The following LRSAM1 variants were observed in gnomAD, a reference collection of about 807,000 sequenced individuals.
The protein encoded by LRSAM1 is leucine rich repeat and sterile alpha motif containing 1, also known as E3 ubiquitin-protein ligase LRSAM1.
In LRSAM1, 96 loss-of-function variants were observed where a neutral mutation model predicts 118.1. The ratio of observed to expected loss-of-function variants is 0.81; its 90% CI spans 0.69 to 0.96. The LOEUF is 0.96. Ranked by LOEUF, LRSAM1 falls within the 40% of genes least tolerant of loss-of-function variation. The pLI is 0.00. For synonymous variants in LRSAM1, 322 were observed against 364.2 expected, an observed-to-expected ratio of 0.88 and a Z score of 1.32; for missense variants, 804 against 915.5, an observed-to-expected ratio of 0.88 and a Z score of 1.57.
chr9:127,496,156 G>A (rs539645674), intron 23 of LRSAM1, 61 bp downstream of exon 23: 144 of 1,594,216 alleles, frequency 9.0e-5, no homozygotes, highest in Middle Eastern at 9.0e-4. Context: ...CTGACCAGCC[G>A]GGGGTTGATC....
rs901297720 is a variant in LRSAM1, at chr9:127,465,759, A to G, written c.529-1981A>G. Among the ~76,000 whole-genome samples the G allele has an allele frequency of 6.6e-6, 1 of 152,140 alleles. No individual in the cohort carries two copies. Among genetic ancestry groups the G allele is most frequent in the Admixed American group, 6.5e-5 (1 of 15,268 alleles). On this transcript the variant is annotated intron_variant, in intron 9 of 25. Coordinates refer to ENST00000300417, the MANE Select transcript of LRSAM1 (RefSeq NM_001005373.4). The surrounding 1 kb of genome is among the most constrained non-coding windows in gnomAD (Gnocchi z 4.1). ...CTTTTCCAGGACTCCCCTGATACCC[A>G]GGCATAGAGGATATCAGTGCCTGCC... is the stretch of plus-strand genomic sequence containing the variant.
intron 15 of LRSAM1, 77 bp from the exon 16 acceptor site, chr9:127,482,873 G>A: frequency 2.9e-6 from 4 of 1,376,958 alleles, no homozygotes; most frequent in Non-Finnish European, 4.0e-6. Flanking sequence ...CCTTCCTGGA[G>A]GAGGTGGTGT....
chr9:127,453,126 G>A (rs1394222180), intron 2 of LRSAM1, among the ~76,000 whole-genome samples: 1 of 152,142 alleles, frequency 6.6e-6, no homozygotes, highest in African/African-American at 2.4e-5. Flanking sequence ...CTGTCACCCA[G>A]GCTGGAGTGC....
intron 10 of LRSAM1, 41 bp downstream of exon 10, chr9:127,467,871 A>G (rs765477712): frequency 3.9e-6 from 6 of 1,534,576 alleles, no homozygotes; most frequent in East Asian, 4.8e-5. Context: ...TTGAGGAACT[A>G]TGACCCCCAT....
chr9:127,495,502 G>T (rs1317969070), intron 22 of LRSAM1, 84 bp downstream of exon 22: 1 of 1,138,004 alleles, frequency 8.8e-7, no homozygotes, highest in Admixed American at 1.8e-5. Flanking sequence ...ACCATGCTCT[G>T]CCTCTTGTTA....
intron 5 of LRSAM1, among the ~76,000 whole-genome samples, chr9:127,456,217 C>CGCTGGAA (rs1834512350): frequency 6.8e-6 from 1 of 146,252 alleles, no homozygotes; most frequent in Non-Finnish European, 1.5e-5. Context: ...AGCTCCTTGG[C>CGCTGGAA]GCTGGAAGTT....
rs570732998 is a variant in LRSAM1, at chr9:127,502,848, G to T, written c.2121G>T (p.Pro707=). The change falls in exon 26 of 26, where the codon CCG becomes CCT. Residue 707 remains proline, a synonymous_variant. Coordinates refer to ENST00000300417, the MANE Select transcript of LRSAM1 (RefSeq NM_001005373.4). ...QQCCQPLRTC[P]LCRQDIAQRL... ...GCTGCCAGCCACTGCGCACCTGCCC[G>T]CTGTGCCGCCAGGACATCGCCCAGC... 2 of 1,611,738 alleles carry T rather than the reference G, an allele frequency of 1.2e-6. No individual in the cohort carries two copies. The highest frequency in any genetic ancestry group is 3.3e-5 in the Admixed American group (2 of 59,818).
intron 16 of LRSAM1, among the ~76,000 whole-genome samples, chr9:127,485,450 G>A (rs1361620892): frequency 2.6e-5 from 4 of 152,210 alleles, no homozygotes; most frequent in African/African-American, 9.6e-5. Context: ...CCAGCTACTC[G>A]GGAGGCTGAG....
Position 127,479,368 on chromosome 9 carries a change from A to T in LRSAM1, c.781-15A>T, listed in dbSNP as rs749307938. 6 of 1,614,092 alleles carry T rather than the reference A, an allele frequency of 3.7e-6. No homozygotes were observed. Among genetic ancestry groups the T allele is most frequent in the Non-Finnish European group, 3.4e-6 (4 of 1,179,990 alleles). Reference sequence around the variant, plus strand: ...AGGGCCTGTGCTGACAGTCACCAGGATCTGTGTCTTGCAGGAACAGAAGAT... The same window carrying T: ...AGGGCCTGTGCTGACAGTCACCAGGTTCTGTGTCTTGCAGGAACAGAAGAT... On this transcript the variant is annotated splice_polypyrimidine_tract_variant and intron_variant, in intron 12 of 25. Coordinates refer to ENST00000300417, the MANE Select transcript of LRSAM1 (RefSeq NM_001005373.4).
In LRSAM1 at chr9:127,459,277, C is replaced by T. The variant is rs1009403381; in HGVS notation, c.321+206C>T. ...CGTTGCCCAGGCTGGGGTGCAGTGG[C>T]GCCATCAGAGTTGCAGAGGCAACCT... On this transcript the variant is annotated intron_variant, in intron 7 of 25. Coordinates refer to ENST00000300417, the MANE Select transcript of LRSAM1 (RefSeq NM_001005373.4). 8.2e-4 allele frequency among the ~76,000 whole-genome samples: 121 copies of T among 147,116 alleles called. 1 individual carries two copies. Among genetic ancestry groups the T allele is most frequent in the African/African-American group, 2.9e-3 (115 of 39,694 alleles).
At chr9:127,474,432 C>T (rs888473308) in intron 11 of LRSAM1, among the ~76,000 whole-genome samples, 1 of 151,966 alleles carries the variant, frequency 6.6e-6, no homozygotes, top group African/African-American at 2.4e-5. Context: ...CATGCTCAGC[C>T]TCCTTCAGTT....
chr9:127,491,479 G>A (rs549294693), intron 20 of LRSAM1, among the ~76,000 whole-genome samples, 184 bp downstream of exon 20: 19 of 152,298 alleles, frequency 1.2e-4, no homozygotes, highest in South Asian at 4.1e-4. Flanking sequence ...AAGGCCCAGC[G>A]CAGGCCAAGG....
chr9:127,493,249 A>T (rs1345074598), intron 21 of LRSAM1, among the ~76,000 whole-genome samples: 1 of 151,758 alleles, frequency 6.6e-6, no homozygotes, highest in Non-Finnish European at 1.5e-5. Flanking sequence ...TTTTGTAGAG[A>T]TGGGGTTTCG....
intron 16 of LRSAM1, among the ~76,000 whole-genome samples, chr9:127,483,438 C>G (rs1835612338): frequency 6.6e-6 from 1 of 150,896 alleles, no homozygotes; most frequent in African/African-American, 2.4e-5. Context: ...TACAGCGAGA[C>G]CATTTCTCAG....
chr9:127,489,333 A>G, intron 18 of LRSAM1, 111 bp from the exon 19 acceptor site: 1 of 1,274,658 alleles, frequency 7.8e-7, no homozygotes, highest in Non-Finnish European at 1.1e-6. Context: ...CTCTCAGAAA[A>G]AACCCATCCA....
At chr9:127,493,443 C>T (rs1336446982) in intron 21 of LRSAM1, among the ~76,000 whole-genome samples, 1 of 152,222 alleles carries the variant, frequency 6.6e-6, no homozygotes, top group Non-Finnish European at 1.5e-5. Context: ...TTAAACGTGG[C>T]ATGCTGCATA....
intron 15 of LRSAM1, among the ~76,000 whole-genome samples, chr9:127,482,212 G>A (rs1439772298): frequency 2.7e-5 from 4 of 146,734 alleles, no homozygotes; most frequent in South Asian, 2.1e-4. Flanking sequence ...GCACGATCTC[G>A]GCTCACTGCA....
intron 10 of LRSAM1, among the ~76,000 whole-genome samples, chr9:127,468,126 G>C (rs1184265090): frequency 6.6e-6 from 1 of 152,172 alleles, no homozygotes; most frequent in Non-Finnish European, 1.5e-5. Flanking sequence ...TCTAGAAAAA[G>C]CAGAAAGCTG....
Position 127,485,725 on chromosome 9 carries a change from T to C in LRSAM1, c.1160-11T>C. ...ACTCCACTCAGCTGTCCCCACCTCA[T>C]GTTCCCACAGCCGCCATGCAGCAGA... On this transcript the variant is annotated splice_polypyrimidine_tract_variant and intron_variant, in intron 16 of 25. Transcript: ENST00000300417. 6.2e-7 allele frequency: 1 copy of C among 1,613,940 alleles called. No individual in the cohort carries two copies. The highest frequency in any genetic ancestry group is 8.5e-7 in the Non-Finnish European group (1 of 1,179,940).
Sources: allele counts gnomAD v4.1 joint callset (sites outside exome capture counted in the v4.1 genomes callset), GRCh38; gene constraint gnomAD v4.1.1; non-coding constraint Gnocchi (gnomAD v3.1); transcripts MANE v1.5; gene names NCBI Gene and HGNC (gene_info 2026-07-23, HGNC 2026-07-21).